The following FHOD3 variants were observed in gnomAD, a reference collection of about 807,000 sequenced individuals.
FHOD3 encodes the protein FH1/FH2 domain-containing protein 3.
In FHOD3, 90 loss-of-function variants were observed where a neutral mutation model predicts 173.0. The ratio of observed to expected loss-of-function variants is 0.52; its 90% CI spans 0.44 to 0.62. FHOD3 has a LOEUF of 0.62. FHOD3 is among the 20% of genes least tolerant of loss of function. FHOD3 has a pLI of 0.00. For synonymous variants in FHOD3, 828 were observed against 823.0 expected, an observed-to-expected ratio of 1.01 and a Z score of -0.10; for missense variants, 1,945 against 2,034.7, an observed-to-expected ratio of 0.96 and a Z score of 0.85.
chr18:36,297,794 C>T lies in FHOD3; in HGVS notation c.-42C>T. On this transcript the variant is annotated 5_prime_UTR_variant, in exon 1 of 29. Transcript: ENST00000590592. Reference sequence around the variant, plus strand: ...TACCCGGGCGTCCCGGCCCGCGGCCCCGCTAACCCCGGGGCCCGCGCCCCC... The same window carrying T: ...TACCCGGGCGTCCCGGCCCGCGGCCTCGCTAACCCCGGGGCCCGCGCCCCC... 1 of 1,469,358 alleles carries T rather than the reference C, an allele frequency of 6.8e-7. No homozygotes were observed. Among genetic ancestry groups the T allele is most frequent in the South Asian group, 1.3e-5 (1 of 76,188 alleles). 91.0% of individuals were successfully genotyped at this position (1,469,358 alleles called of 1,614,324 possible).
intron 3 of FHOD3, among the ~76,000 whole-genome samples, chr18:36,478,924 C>G (rs1167199741): frequency 1.3e-5 from 2 of 152,144 alleles, no homozygotes; most frequent in Middle Eastern, 3.2e-3. Flanking sequence ...TTTCTTCTCC[C>G]CTCACCCAAA....
chr18:36,706,413 C>A (rs1201216201), intron 17 of FHOD3, among the ~76,000 whole-genome samples: 27 of 152,094 alleles, frequency 1.8e-4, no homozygotes, highest in Admixed American at 1.8e-3. Flanking sequence ...AAAAAGATAC[C>A]ACCCCAGTGG....
intron 4 of FHOD3, among the ~76,000 whole-genome samples, chr18:36,510,133 A>T (rs2055553541): frequency 6.6e-6 from 1 of 152,212 alleles, no homozygotes; most frequent in Admixed American, 6.5e-5. Flanking sequence ...AAACAGAGGC[A>T]TTGGTCATCT....
chr18:36,451,627 T>C (rs2051851356), intron 3 of FHOD3, among the ~76,000 whole-genome samples: 1 of 152,064 alleles, frequency 6.6e-6, no homozygotes, highest in African/African-American at 2.4e-5. Context: ...TCTCCTCCGG[T>C]GTCTTGGGTT....
intron 3 of FHOD3, among the ~76,000 whole-genome samples, chr18:36,444,913 A>G (rs1416621480): frequency 6.6e-6 from 1 of 152,220 alleles, no homozygotes; most frequent in African/African-American, 2.4e-5. Flanking sequence ...AGCCTCATGC[A>G]TGTGTATTTT....
rs111849644 is a variant in FHOD3, at chr18:36,354,448, C to G, written c.166-1091C>G. On this transcript the variant is annotated intron_variant, in intron 1 of 28. Transcript: ENST00000590592. ...TTTGTGAGAGAATCAACTGACTTCCCATGTACAAATGTTTAGAACAGTGCC... is the reference window on the plus strand; with the variant it reads ...TTTGTGAGAGAATCAACTGACTTCCGATGTACAAATGTTTAGAACAGTGCC... Among the ~76,000 whole-genome samples the G allele has an allele frequency of 4.6e-3, 705 of 152,214 alleles. 7 individuals are homozygous for G. Among genetic ancestry groups the G allele is most frequent in the African/African-American group, 0.015 (643 of 41,522 alleles).
chr18:36,552,502 C>CTT (rs200765398), intron 5 of FHOD3, among the ~76,000 whole-genome samples: 2,940 of 142,038 alleles, frequency 0.021, 97 homozygotes, highest in African/African-American at 0.072. Context: ...TTTTCTTTTT[C>CTT]TTTTTTTTTT....
At chr18:36,544,604 G>C (rs1330265706) in intron 5 of FHOD3, 1 of 152,358 alleles carries the variant, frequency 6.6e-6, no homozygotes, top group East Asian at 1.9e-4. Flanking sequence ...AGGTGGAGAG[G>C]TCGCCACAGG....
At chr18:36,470,995 A>G (rs2053252066) in intron 3 of FHOD3, among the ~76,000 whole-genome samples, 1 of 152,226 alleles carries the variant, frequency 6.6e-6, no homozygotes. Flanking sequence ...TCTAGAGCAG[A>G]GACCTCAGGG....
intron 16 of FHOD3, 52 bp downstream of exon 16, chr18:36,687,230 T>C: frequency 7.6e-7 from 1 of 1,321,022 alleles, no homozygotes; most frequent in Non-Finnish European, 1.1e-6. Context: ...GACTTTGCAC[T>C]GTTAACCTAG....
intron 19 of FHOD3, among the ~76,000 whole-genome samples, chr18:36,724,984 T>C (rs1475628473): frequency 6.6e-6 from 1 of 152,246 alleles, no homozygotes; most frequent in African/African-American, 2.4e-5. Context: ...TGAGCACTTC[T>C]GGACATATTT....
intron 3 of FHOD3, among the ~76,000 whole-genome samples, chr18:36,384,897 TACCACCACCACCACC>T (rs60582813): frequency 1.3e-5 from 2 of 150,982 alleles, no homozygotes; most frequent in South Asian, 4.3e-4. Flanking sequence ...TGGTGGAAGA[TACCACCACCACCACC>T]ACCACCACCA....
chr18:36,519,503 C>T (rs963414892), intron 5 of FHOD3, among the ~76,000 whole-genome samples: 16 of 152,162 alleles, frequency 1.1e-4, no homozygotes, highest in African/African-American at 2.7e-4. Flanking sequence ...TTTGGAGGCT[C>T]CTCGCTGTGC....
chr18:36,651,993 T>A (rs1404230135), intron 11 of FHOD3, among the ~76,000 whole-genome samples: 1 of 152,204 alleles, frequency 6.6e-6, no homozygotes, highest in Non-Finnish European at 1.5e-5. Flanking sequence ...TTTGTCTTTT[T>A]TGTCCTGGCC....
intron 5 of FHOD3, among the ~76,000 whole-genome samples, chr18:36,568,766 C>G (rs561649176): frequency 2.0e-5 from 3 of 152,068 alleles, no homozygotes; most frequent in Non-Finnish European, 4.4e-5. Flanking sequence ...TAAACAAAAC[C>G]CAGAGTTTCA....
intron 25 of FHOD3, among the ~76,000 whole-genome samples, chr18:36,755,694 A>G (rs903684452): frequency 1.3e-5 from 2 of 152,176 alleles, no homozygotes; most frequent in African/African-American, 4.8e-5. Context: ...AGACAAATGT[A>G]CTGATTGGGG....
intron 7 of FHOD3, among the ~76,000 whole-genome samples, chr18:36,602,133 G>T (rs551664204): frequency 2.0e-4 from 30 of 152,214 alleles, no homozygotes; most frequent in Non-Finnish European, 3.7e-4. Context: ...GAGGGCAGCT[G>T]CCCAGTAGAC....
At chr18:36,757,655 T>C (rs1732902704) in intron 25 of FHOD3, among the ~76,000 whole-genome samples, 1 of 152,028 alleles carries the variant, frequency 6.6e-6, no homozygotes, top group Non-Finnish European at 1.5e-5. Context: ...AGATGAGAGG[T>C]CTGAGGGTAA....
At chr18:36,532,340 T>A (rs560572986) in intron 5 of FHOD3, among the ~76,000 whole-genome samples, 31 of 152,272 alleles carry the variant, frequency 2.0e-4, no homozygotes, top group Admixed American at 7.8e-4. Context: ...CATACGCTCC[T>A]CTTCCCTGGC....
Sources: gnomAD v4.1 joint callset for allele counts (sites outside exome capture counted in the v4.1 genomes callset) on GRCh38, gnomAD v4.1.1 for gene constraint, MANE v1.5 for transcripts, NCBI Gene and HGNC (gene_info 2026-07-23, HGNC 2026-07-21) for gene names.